CTNNBIP1: variants seen among roughly 807,000 people sequenced by gnomAD.
The protein encoded by CTNNBIP1 is catenin beta interacting protein 1.
In CTNNBIP1, 7 loss-of-function variants were observed where a neutral mutation model predicts 11.8. That is an observed-to-expected ratio of 0.60 (90% CI 0.34 to 1.12). CTNNBIP1 has a LOEUF of 1.12. Among genes scored for constraint, CTNNBIP1 ranks in the 50% most tolerant of loss-of-function variants. The pLI is 0.03. For missense variants in CTNNBIP1, 101 were observed against 113.4 expected, an observed-to-expected ratio of 0.89 and a Z score of 0.50; for synonymous variants, 58 against 43.9, an observed-to-expected ratio of 1.32 and a Z score of -1.26.
chr1:9,875,389 C>T (rs1012801664), intron 3 of CTNNBIP1, among the ~76,000 whole-genome samples: 3 of 152,218 alleles, frequency 2.0e-5, no homozygotes, highest in Admixed American at 1.3e-4. Flanking sequence ...CTGCTTCCAT[C>T]ACAGACCGCC....
chr1:9,877,621 C>CA (rs1328611400), intron 3 of CTNNBIP1, among the ~76,000 whole-genome samples: 1 of 152,008 alleles, frequency 6.6e-6, no homozygotes, highest in East Asian at 1.9e-4. Context: ...GTTTACATTG[C>CA]AAAAAAATAC....
chr1:9,889,488 C>T (rs1440017131), intron 1 of CTNNBIP1, among the ~76,000 whole-genome samples: 4 of 152,152 alleles, frequency 2.6e-5, no homozygotes, highest in Non-Finnish European at 5.9e-5. Flanking sequence ...CATCTCTGGG[C>T]CTCTGCATCT....
At chr1:9,897,631 G>A (rs1043368838) in intron 1 of CTNNBIP1, among the ~76,000 whole-genome samples, 6 of 151,322 alleles carry the variant, frequency 4.0e-5, no homozygotes, top group African/African-American at 1.2e-4. Flanking sequence ...CAGCCTGGGC[G>A]ACAGAGCAAG....
Position 9,872,162 on chromosome 1 carries a change from G to A in CTNNBIP1, c.-24-74C>T, listed in dbSNP as rs979212871. ...TACTGGGACAATGACACCTGCTAGT[G>A]ACCCTCACTCCTCCCAGGAGCCGCT... On this transcript the variant is annotated intron_variant, in intron 3 of 5. Transcript: ENST00000377263. This position sits in a 1 kb window ranked among gnomAD's most constrained non-coding sequence, Gnocchi z 4.0. The A allele has an allele frequency of 4.4e-6, 4 of 901,192 alleles. No homozygotes were observed. The highest frequency in any genetic ancestry group is 1.6e-5 in the African/African-American group (1 of 61,258). 55.8% of individuals were successfully genotyped at this position (901,192 alleles called of 1,614,324 possible). A position where few individuals can be genotyped will look rare whatever the true frequency, so the allele number is the denominator to read the frequency against.
intron 5 of CTNNBIP1, among the ~76,000 whole-genome samples, chr1:9,852,357 C>T (rs1010096291): frequency 3.9e-5 from 6 of 152,222 alleles, no homozygotes; most frequent in African/African-American, 1.4e-4. Context: ...TGAGCCTTGT[C>T]ACCTCCCACT....
In CTNNBIP1 at chr1:9,867,392, G is replaced by T. The variant is rs1424140230; in HGVS notation, c.187+3795C>A. On this transcript the variant is annotated intron_variant, in intron 5 of 5. Transcript: ENST00000377263. The surrounding 1 kb of genome is among the most constrained non-coding windows in gnomAD (Gnocchi z 4.6). ...ATGTGACCGAGGAAGGAATCGAAGGGTAGGGGGTAAAGGGGTGCCCACGGC... is the reference window on the plus strand; with the variant it reads ...ATGTGACCGAGGAAGGAATCGAAGGTTAGGGGGTAAAGGGGTGCCCACGGC... Among the ~76,000 whole-genome samples, 4 of 152,162 alleles carry T rather than the reference G, an allele frequency of 2.6e-5. No individual in the cohort carries two copies. Among genetic ancestry groups the T allele is most frequent in the Non-Finnish European group, 5.9e-5 (4 of 67,996 alleles).
At chr1:9,879,801 C>T (rs1187065762) in intron 2 of CTNNBIP1, among the ~76,000 whole-genome samples, 1 of 152,118 alleles carries the variant, frequency 6.6e-6, no homozygotes, top group East Asian at 1.9e-4. Context: ...AGGGCTCAGA[C>T]CCTTCCAAGA....
chr1:9,850,625 G>A lies in CTNNBIP1; in HGVS notation c.*93C>T. ...GGTTGGGTAGGGGAAGGGGGAGGTGGGGCAAGGGGGGCTGCTGCCACTCAG... is the reference window on the plus strand; with the variant it reads ...GGTTGGGTAGGGGAAGGGGGAGGTGAGGCAAGGGGGGCTGCTGCCACTCAG... On this transcript the variant is annotated 3_prime_UTR_variant, in exon 6 of 6. Coordinates refer to ENST00000377263, the MANE Select transcript of CTNNBIP1 (RefSeq NM_020248.3). 2 of 1,166,548 alleles carry A rather than the reference G, an allele frequency of 1.7e-6. No homozygotes were observed. The highest frequency in any genetic ancestry group is 1.3e-6 in the Non-Finnish European group (1 of 774,794). 72.3% of individuals were successfully genotyped at this position (1,166,548 alleles called of 1,614,324 possible).
chr1:9,873,798 G>A (rs1221060811), intron 3 of CTNNBIP1, among the ~76,000 whole-genome samples: 1 of 152,110 alleles, frequency 6.6e-6, no homozygotes, highest in Non-Finnish European at 1.5e-5. Context: ...GTAGTGGCGC[G>A]ATCATAGCTC....
chr1:9,867,264 G>C lies in CTNNBIP1; in HGVS notation c.187+3923C>G, dbSNP rs1474167422. Among the ~76,000 whole-genome samples, 2 of 152,018 alleles carry C rather than the reference G, an allele frequency of 1.3e-5. No individual in the cohort carries two copies. The highest frequency in any genetic ancestry group is 2.9e-5 in the Non-Finnish European group (2 of 68,016). ...GAGGCCAGGCAGGCTGGGAACTGGG[G>C]GGCCACTGGGGCCTCTGCTGGAACC... On this transcript the variant is annotated intron_variant, in intron 5 of 5. Coordinates refer to ENST00000377263, the MANE Select transcript of CTNNBIP1 (RefSeq NM_020248.3). The surrounding 1 kb of genome is among the most constrained non-coding windows in gnomAD (Gnocchi z 4.6).
intron 1 of CTNNBIP1, among the ~76,000 whole-genome samples, chr1:9,887,957 G>A (rs1227559763): frequency 1.3e-5 from 2 of 151,568 alleles, no homozygotes; most frequent in Non-Finnish European, 2.9e-5. Context: ...CCTAATAGCT[G>A]GGATTACAGG....
intron 3 of CTNNBIP1, among the ~76,000 whole-genome samples, chr1:9,873,077 C>T (rs1638898754): frequency 6.6e-6 from 1 of 152,170 alleles, no homozygotes; most frequent in Non-Finnish European, 1.5e-5. Context: ...GGCAGGGTGG[C>T]TCTCTGTGCA....
intron 1 of CTNNBIP1, among the ~76,000 whole-genome samples, chr1:9,901,175 A>T (rs1639513636): frequency 6.6e-6 from 1 of 152,232 alleles, no homozygotes; most frequent in Admixed American, 6.5e-5. Context: ...ACAGAAACCT[A>T]GAAGTTCAGA....
intron 1 of CTNNBIP1, among the ~76,000 whole-genome samples, chr1:9,897,751 T>C (rs972067832): frequency 2.7e-5 from 4 of 150,340 alleles, no homozygotes; most frequent in Admixed American, 6.6e-5. Flanking sequence ...AAGGTGGAGG[T>C]TGCAGTGCGC....
At chr1:9,869,988 G>C (rs1001753269) in intron 5 of CTNNBIP1, among the ~76,000 whole-genome samples, 1 of 152,260 alleles carries the variant, frequency 6.6e-6, no homozygotes, top group Non-Finnish European at 1.5e-5. Flanking sequence ...CAGGTTGTGC[G>C]TGGTGAGCTG....
intron 1 of CTNNBIP1, among the ~76,000 whole-genome samples, chr1:9,900,179 A>C (rs554975366): frequency 6.6e-6 from 1 of 152,278 alleles, no homozygotes; most frequent in East Asian, 1.9e-4. Flanking sequence ...CGAGGCGAGC[A>C]GATCACAAGA....
At chr1:9,869,061 G>A (rs1472865485) in intron 5 of CTNNBIP1, among the ~76,000 whole-genome samples, 6 of 151,960 alleles carry the variant, frequency 3.9e-5, no homozygotes, top group Admixed American at 3.9e-4. Flanking sequence ...GTGCAGTGGT[G>A]CGATCATGGC....
At chr1:9,852,450 C>T (rs1296574250) in intron 5 of CTNNBIP1, among the ~76,000 whole-genome samples, 1 of 152,188 alleles carries the variant, frequency 6.6e-6, no homozygotes, top group African/African-American at 2.4e-5. Flanking sequence ...GAAAGGGACA[C>T]GAGTTGTCCA....
At chr1:9,862,495 G>A (rs74054124) in intron 5 of CTNNBIP1, among the ~76,000 whole-genome samples, 6,982 of 152,236 alleles carry the variant, frequency 0.046, 550 homozygotes, top group African/African-American at 0.16. Flanking sequence ...GCTATGGCAG[G>A]GCCCAGGAGT....
Sources: gnomAD v4.1 joint callset for allele counts (sites outside exome capture counted in the v4.1 genomes callset) on GRCh38, gnomAD v4.1.1 for gene constraint, Gnocchi (gnomAD v3.1) non-coding constraint, MANE v1.5 for transcripts, NCBI Gene and HGNC (gene_info 2026-07-23, HGNC 2026-07-21) for gene names.